The following PTK7 variants were observed in gnomAD, a reference collection of about 807,000 sequenced individuals.
The protein encoded by PTK7 is protein tyrosine kinase 7 (inactive), also known as inactive tyrosine-protein kinase 7.
A neutral mutation model predicts 116.6 loss-of-function variants in PTK7; 39 were observed. The observed-to-expected ratio is 0.33, with a 90% CI of 0.26 to 0.44. PTK7 has a LOEUF of 0.44. PTK7 is among the 20% of genes least tolerant of loss of function. PTK7 has a pLI of 1.00. For missense variants in PTK7, 1,169 were observed against 1,425.6 expected (o/e 0.82, Z 2.90); for synonymous variants, 546 against 563.6 (o/e 0.97, Z 0.44).
In PTK7 at chr6:43,076,467, T is replaced by A. The variant is rs757560914; in HGVS notation, c.-22T>A. 3.2e-6 allele frequency: 5 copies of A among 1,549,320 alleles called. No homozygotes were observed. Among genetic ancestry groups the A allele is most frequent in the Non-Finnish European group, 4.3e-6 (5 of 1,155,716 alleles). On this transcript the variant is annotated 5_prime_UTR_variant, in exon 1 of 20. Coordinates refer to ENST00000230419, the MANE Select transcript of PTK7 (RefSeq NM_002821.5). The surrounding 1 kb of genome is among the most constrained non-coding windows in gnomAD (Gnocchi z 5.7). ...TGCGCGCCCGCCGTGCGCCCTCAGC[T>A]CCTTTTCCTGAGCCCGCCGCGATGG...
At chr6:43,102,829 C>G (rs1318033459) in intron 1 of PTK7, among the ~76,000 whole-genome samples, 3 of 151,906 alleles carry the variant, frequency 2.0e-5, no homozygotes, top group African/African-American at 7.3e-5. Context: ...TGAAATAATG[C>G]TATAAGAAAG....
In PTK7 at chr6:43,139,336, A is replaced by C. The variant is rs1770245274; in HGVS notation, c.1498+65A>C. ...GGCAGGAGAGGAAAGGGGAGGGAGC[A>C]GCAGGCCTGGCCACGGCCTCTCCAG... On this transcript the variant is annotated intron_variant, in intron 9 of 19. Transcript: ENST00000230419. The surrounding 1 kb of genome is among the most constrained non-coding windows in gnomAD (Gnocchi z 4.6). 9 of 1,614,072 alleles carry C rather than the reference A, an allele frequency of 5.6e-6. 1 individual carries two copies. The South Asian group carries it at 7.7e-5, about 14-fold the overall frequency.
chr6:43,137,598 C>T (rs73436461), intron 7 of PTK7, among the ~76,000 whole-genome samples: 6,175 of 152,200 alleles, frequency 0.041, 152 homozygotes, highest in African/African-American at 0.058. Context: ...TTTTGGGAAC[C>T]AACCATTCAT....
intron 1 of PTK7, among the ~76,000 whole-genome samples, chr6:43,085,182 G>A (rs575001818): frequency 6.6e-6 from 1 of 152,278 alleles, no homozygotes; most frequent in South Asian, 2.1e-4. Context: ...TGTGGAAATG[G>A]GTGACCCCTG....
Position 43,076,474 on chromosome 6 carries a change from C to G in PTK7, c.-15C>G, listed in dbSNP as rs1036070114. The G allele has an allele frequency of 3.8e-6, 6 of 1,558,788 alleles. No homozygotes were observed. The highest frequency in any genetic ancestry group is 5.2e-6 in the Non-Finnish European group (6 of 1,159,702). Reference sequence around the variant, plus strand: ...CCGCCGTGCGCCCTCAGCTCCTTTTCCTGAGCCCGCCGCGATGGGAGCTGC... The same window carrying G: ...CCGCCGTGCGCCCTCAGCTCCTTTTGCTGAGCCCGCCGCGATGGGAGCTGC... On this transcript the variant is annotated 5_prime_UTR_variant, in exon 1 of 20. Transcript: ENST00000230419. This position sits in a 1 kb window ranked among gnomAD's most constrained non-coding sequence, Gnocchi z 5.7.
chr6:43,158,970 T>TAGAA lies in PTK7; in HGVS notation c.2873+3_2873+6dup. ...CCTCAGCAAGGATGTGTACAACAGGTAGAAGGGCATGCGTGGGGTGGGGGC... is the reference window on the plus strand; with the variant it reads ...CCTCAGCAAGGATGTGTACAACAGGTAGAAAGAAGGGCATGCGTGGGGTGGGGGC... On this transcript the variant is annotated splice_region_variant and intron_variant, in intron 18 of 19. Transcript: ENST00000230419. 2 of 1,613,418 alleles carry TAGAA rather than the reference T, an allele frequency of 1.2e-6. No individual in the cohort carries two copies. The highest frequency in any genetic ancestry group is 1.7e-6 in the Non-Finnish European group (2 of 1,179,728).
intron 17 of PTK7, among the ~76,000 whole-genome samples, chr6:43,152,902 C>T (rs1308291554): frequency 6.6e-6 from 1 of 151,940 alleles, no homozygotes; most frequent in Non-Finnish European, 1.5e-5. Flanking sequence ...TCTCCTGCCT[C>T]GGCCCCCTGA....
intron 1 of PTK7, among the ~76,000 whole-genome samples, chr6:43,095,315 T>C (rs1450004220): frequency 6.6e-6 from 1 of 151,644 alleles, no homozygotes; most frequent in African/African-American, 2.4e-5. Flanking sequence ...GAGGTTGCAG[T>C]GAGCCAAGAT....
chr6:43,133,394 G>A (rs1249118899), intron 7 of PTK7: 1 of 152,168 alleles, frequency 6.6e-6, no homozygotes, highest in Non-Finnish European at 1.5e-5. Flanking sequence ...CCAACATGGT[G>A]AAACCCCATC....
intron 1 of PTK7, among the ~76,000 whole-genome samples, chr6:43,105,936 C>A (rs1461696620): frequency 6.6e-6 from 1 of 152,178 alleles, no homozygotes; most frequent in Non-Finnish European, 1.5e-5. Flanking sequence ...TTATGGCAGC[C>A]CTGGGAAACT....
intron 17 of PTK7, among the ~76,000 whole-genome samples, chr6:43,153,892 C>T (rs1183319630): frequency 1.3e-5 from 2 of 151,762 alleles, no homozygotes; most frequent in South Asian, 4.1e-4. Flanking sequence ...ATAGGCTGGG[C>T]GTGGTGCCTC....
chr6:43,078,643 G>A (rs1766195859), intron 1 of PTK7, among the ~76,000 whole-genome samples: 1 of 152,218 alleles, frequency 6.6e-6, no homozygotes, highest in Non-Finnish European at 1.5e-5. Flanking sequence ...AAGGAACCTA[G>A]GCTGGCTAGG....
At chr6:43,092,276 T>C (rs1337766494) in intron 1 of PTK7, among the ~76,000 whole-genome samples, 13 of 152,054 alleles carry the variant, frequency 8.5e-5, no homozygotes, top group Admixed American at 8.5e-4. Context: ...TGGGCTCAAG[T>C]GATCCTCCCA....
intron 1 of PTK7, among the ~76,000 whole-genome samples, chr6:43,081,503 C>T (rs1286196584): frequency 6.6e-6 from 1 of 152,166 alleles, no homozygotes; most frequent in African/African-American, 2.4e-5. Context: ...CTCCCAGGTT[C>T]AAGTGATTCT....
rs1420277535 is a variant in PTK7 at position 43,143,678 on chromosome 6, C to T, written c.2251+58C>T. Reference sequence around the variant, plus strand: ...TGTGCGGGAGCTGAGCGCCCTCCCGCGGCCACGGAGGGGAGAGCGCCAGCA... The same window carrying T: ...TGTGCGGGAGCTGAGCGCCCTCCCGTGGCCACGGAGGGGAGAGCGCCAGCA... On this transcript the variant is annotated intron_variant, in intron 14 of 19. Transcript: ENST00000230419. The surrounding 1 kb of genome is among the most constrained non-coding windows in gnomAD (Gnocchi z 4.2). 1.5e-5 allele frequency: 24 copies of T among 1,551,456 alleles called. No homozygotes were observed. The highest frequency in any genetic ancestry group is 1.9e-5 in the Non-Finnish European group (22 of 1,147,574).
intron 7 of PTK7, among the ~76,000 whole-genome samples, chr6:43,134,115 T>A (rs1225779780): frequency 6.6e-6 from 1 of 152,188 alleles, no homozygotes; most frequent in Admixed American, 6.5e-5. Flanking sequence ...CTTGGCTCAC[T>A]GCAACCTGCG....
Position 43,107,218 on chromosome 6 carries a change from C to G in PTK7, c.80-21759C>G, listed in dbSNP as rs181361072. 3.7e-3 allele frequency among the ~76,000 whole-genome samples: 556 copies of G among 152,314 alleles called. 3 individuals carry two copies. The highest frequency in any genetic ancestry group is 0.012 in the African/African-American group (499 of 41,558). On this transcript the variant is annotated intron_variant, in intron 1 of 19. Coordinates refer to ENST00000230419, the MANE Select transcript of PTK7 (RefSeq NM_002821.5). The stretch of plus-strand genomic sequence containing the variant: ...GGATTACAGGTGTGAGCCACCTCGC[C>G]TGGACTCCCTGACTTTTTAATCCCC...
chr6:43,142,502 GGTGTGT>G (rs142795079), intron 13 of PTK7: 9 of 771,908 alleles, frequency 1.2e-5, no homozygotes, highest in Non-Finnish European at 1.7e-5. Context: ...TCCAACGGTC[GGTGTGT>G]GTGTGTGTGT....
chr6:43,101,343 G>A (rs1639273946), intron 1 of PTK7, among the ~76,000 whole-genome samples: 1 of 151,920 alleles, frequency 6.6e-6, no homozygotes, highest in South Asian at 2.1e-4. Flanking sequence ...ACAAGGTCAG[G>A]AGATTGAGAC....
Sources: gnomAD v4.1 joint callset for allele counts (sites outside exome capture counted in the v4.1 genomes callset) on GRCh38, gnomAD v4.1.1 for gene constraint, Gnocchi (gnomAD v3.1) non-coding constraint, MANE v1.5 for transcripts, NCBI Gene and HGNC (gene_info 2026-07-23, HGNC 2026-07-21) for gene names.